The following MYSM1 variants were observed in gnomAD, a reference collection of about 807,000 sequenced individuals.
The protein encoded by MYSM1 is Myb like, SWIRM and MPN domains 1.
MYSM1 carries 51 observed loss-of-function variants against 116.0 expected under a neutral mutation model. The observed-to-expected ratio is 0.44, with a 90% CI of 0.35 to 0.56. MYSM1 has a LOEUF of 0.56. MYSM1 is among the 20% of genes least tolerant of loss of function. MYSM1 has a pLI of 0.00. For synonymous variants in MYSM1, 313 were observed against 315.2 expected (o/e 0.99, Z 0.07); for missense variants, 900 against 974.9 (o/e 0.92, Z 1.02).
At chr1:58,663,575 A>G (rs1644425713) in intron 17 of MYSM1, among the ~76,000 whole-genome samples, 1 of 152,254 alleles carries the variant, frequency 6.6e-6, no homozygotes, top group Non-Finnish European at 1.5e-5. Flanking sequence ...AGTGTTAAGC[A>G]TGGACAAGTC....
intron 17 of MYSM1, among the ~76,000 whole-genome samples, chr1:58,661,827 A>T (rs573559994): frequency 6.6e-6 from 1 of 152,206 alleles, no homozygotes; most frequent in African/African-American, 2.4e-5. Flanking sequence ...TGAATGAAAG[A>T]AGGTACTATT....
chr1:58,690,455 C>G, intron 3 of MYSM1, 38 bp from the exon 4 acceptor site: 1 of 1,380,922 alleles, frequency 7.2e-7, no homozygotes. Flanking sequence ...AACAATATTA[C>G]AGTCATGTAA....
intron 17 of MYSM1, 52 bp from the exon 18 acceptor site, chr1:58,661,563 A>G: frequency 9.9e-7 from 1 of 1,010,416 alleles, no homozygotes; most frequent in African/African-American, 1.6e-5. Context: ...TAACTCTCCA[A>G]TCTCCTTTTA....
chr1:58,660,139 C>T lies in MYSM1; in HGVS notation c.2345G>A (p.Arg782Lys). 7 of 1,584,604 alleles carry T rather than the reference C, an allele frequency of 4.4e-6. No homozygotes were observed. Among genetic ancestry groups the T allele is most frequent in the Non-Finnish European group, 6.0e-6 (7 of 1,168,728 alleles). Residue 782 changes from arginine (R) to lysine (K), a missense_variant, in exon 20 of 20, where the codon AGG becomes AAG. Physicochemically the swap from Arg to Lys is conservative, Grantham distance 26. Around this residue, in one of 3 missense-constraint regions of MYSM1, gnomAD observed 186 missense variants for 196.2 expected, o/e 0.95. Transcript: ENST00000472487. The stretch of plus-strand genomic sequence containing the variant: ...ATTGGTCACTTTGCTCAGAGTCTTC[C>T]TCATACACTCCAAAAGCTAGTTGAA... ...TCLQKLLECM[R>K]KTLSKVTNCF... is the part of the protein sequence containing the mutation.
intron 8 of MYSM1, among the ~76,000 whole-genome samples, chr1:58,678,812 G>C (rs1644694111): frequency 6.6e-6 from 1 of 152,138 alleles, no homozygotes; most frequent in South Asian, 2.1e-4. Flanking sequence ...AAATATGGGG[G>C]AAGAACATCC....
At position 58,677,016 on chromosome 1, in the gene MYSM1, G is replaced by A. The variant is rs780998329; in HGVS notation, c.1300C>T (p.Arg434Cys). Reference sequence around the variant, plus strand: ...TCTCCACAGTTCTTCAGGCCAGGACGTACTGAGGTCTTATTTAAGTATTTT... The same window carrying A: ...TCTCCACAGTTCTTCAGGCCAGGACATACTGAGGTCTTATTTAAGTATTTT... ...KPKYLNKTSVRPGLKNCGDVN... is the reference protein window; with the variant it reads ...KPKYLNKTSVCPGLKNCGDVN... Residue 434 changes from arginine to cysteine, a missense_variant, in exon 9 of 20, where the codon CGT (arginine) becomes TGT (cysteine). By Grantham distance (180) the Arg-to-Cys change is radical. Coordinates refer to ENST00000472487, the MANE Select transcript of MYSM1 (RefSeq NM_001085487.3). The A allele has an allele frequency of 1.2e-6, 2 of 1,608,640 alleles. No homozygotes were observed. The highest frequency in any genetic ancestry group is 1.7e-6 in the Non-Finnish European group (2 of 1,177,500).
chr1:58,693,536 C>G (rs1557526857), intron 2 of MYSM1, among the ~76,000 whole-genome samples: 1 of 152,206 alleles, frequency 6.6e-6, no homozygotes, highest in East Asian at 1.9e-4. Context: ...GGCACTATTA[C>G]TCACTAAGTT....
chr1:58,682,584 A>G, intron 7 of MYSM1, 39 bp from the exon 8 acceptor site: 1 of 1,485,976 alleles, frequency 6.7e-7, no homozygotes, highest in South Asian at 1.4e-5. Context: ...TAATATTAAG[A>G]TTTAAAAATT....
intron 2 of MYSM1, among the ~76,000 whole-genome samples, chr1:58,694,361 G>A (rs1167473110): frequency 3.3e-5 from 5 of 152,140 alleles, no homozygotes; most frequent in Non-Finnish European, 7.3e-5. Context: ...GGTGGCTCAC[G>A]CCTGTAATCC....
chr1:58,690,340 C>G lies in MYSM1; in HGVS notation c.296G>C (p.Ser99Thr). 1 of 1,596,954 alleles carries G rather than the reference C, an allele frequency of 6.3e-7. No individual in the cohort carries two copies. Among genetic ancestry groups the G allele is most frequent in the Non-Finnish European group, 8.5e-7 (1 of 1,172,826 alleles). The change falls in exon 4 of 20, where the codon AGT (serine) becomes ACT (threonine). Residue 99 changes from serine (S) to threonine (T), a missense_variant and splice_region_variant. This residue lies in a region of MYSM1 where 622 missense variants were observed against 623.7 expected (regional missense o/e 1.00). Coordinates refer to ENST00000472487, the MANE Select transcript of MYSM1 (RefSeq NM_001085487.3). ...QKEDDKKYMK[S>T]LQKTAKIMVH... ...TAGAAATATTATAAATTGATTTTAC[C>G]TCTTCATGTATTTTTTATCATCTTC...
At position 58,676,971 on chromosome 1, in the gene MYSM1, T is replaced by A. The variant is rs1182210069; in HGVS notation, c.1345A>T (p.Ile449Phe). The A allele has an allele frequency of 6.2e-7, 1 of 1,612,636 alleles. No individual in the cohort carries two copies. The highest frequency in any genetic ancestry group is 1.1e-5 in the South Asian group (1 of 90,940). ...NCGDVNCIGR[I>F]HTYLELIGAI... is the part of the protein sequence containing the mutation. ...CCTATCAATTCGAGGTATGTATGAA[T>A]CCGTCCAATACAATTAACATCTCCA... Residue 449 changes from isoleucine (I) to phenylalanine (F), a missense_variant, in exon 9 of 20, where the codon ATT becomes TTT. Ile to Phe is a conservative substitution (Grantham distance 21, BLOSUM62 0). Around this residue, in one of 3 missense-constraint regions of MYSM1, gnomAD observed 622 missense variants for 623.7 expected, o/e 1.00. Coordinates refer to ENST00000472487, the MANE Select transcript of MYSM1 (RefSeq NM_001085487.3).
chr1:58,684,564 CAAA>C (rs1228037580), intron 7 of MYSM1, among the ~76,000 whole-genome samples: 1 of 60,964 alleles, frequency 1.6e-5, no homozygotes. Flanking sequence ...GACTCTGTCT[CAAA>C]AAAAAAAAAA....
At chr1:58,695,023 C>A in intron 2 of MYSM1, 106 bp downstream of exon 2, 2 of 535,646 alleles carry the variant, frequency 3.7e-6, no homozygotes, top group East Asian at 3.2e-5. Flanking sequence ...AATATTATAT[C>A]TGTGATAGTT....
At chr1:58,661,369 C>T in intron 18 of MYSM1, 37 bp downstream of exon 18, 1 of 1,355,218 alleles carries the variant, frequency 7.4e-7, no homozygotes, top group Non-Finnish European at 1.1e-6. Context: ...ATGAGCAACA[C>T]TGCAGATGTG....
In MYSM1 at chr1:58,660,009, T is replaced by G. The variant is rs751503401; in HGVS notation, c.2475A>C (p.Glu825Asp). 6.4e-7 allele frequency: 1 copy of G among 1,561,570 alleles called. No individual in the cohort carries two copies. The highest frequency in any genetic ancestry group is 8.7e-7 in the Non-Finnish European group (1 of 1,154,254). ...AACTTTAAAATAATCACATTAACAA[T>G]TCCTTTGTACAGTTCTCTTCGGTTA... is the stretch of plus-strand genomic sequence containing the variant. ...NGVTEENCTK[E>D]LLM Residue 825 changes from glutamate (E) to aspartate (D), a missense_variant, in exon 20 of 20, where the codon GAA becomes GAC. By Grantham distance (45) the Glu-to-Asp change is conservative. Coordinates refer to ENST00000472487, the MANE Select transcript of MYSM1 (RefSeq NM_001085487.3).
At chr1:58,660,284 A>G in intron 19 of MYSM1, 129 bp from the exon 20 acceptor site, 1 of 523,848 alleles carries the variant, frequency 1.9e-6, no homozygotes, top group Non-Finnish European at 3.1e-6. Context: ...CTCCTTAAAA[A>G]TGGTTGAAGA....
intron 3 of MYSM1, among the ~76,000 whole-genome samples, chr1:58,690,817 T>C (rs1230141253): frequency 6.6e-6 from 1 of 151,930 alleles, no homozygotes; most frequent in East Asian, 1.9e-4. Flanking sequence ...CCAAAACATA[T>C]GGAGAATGTA....
At chr1:58,679,243 C>T (rs1335202594) in intron 8 of MYSM1, among the ~76,000 whole-genome samples, 1 of 152,100 alleles carries the variant, frequency 6.6e-6, no homozygotes, top group African/African-American at 2.4e-5. Context: ...AATGTGAGTT[C>T]CTGTTCAAAA....
intron 9 of MYSM1, among the ~76,000 whole-genome samples, chr1:58,676,080 C>G (rs1644646102): frequency 6.6e-6 from 1 of 152,126 alleles, no homozygotes. Flanking sequence ...GTTTTATGTA[C>G]CTTATCACTT....
Sources: gnomAD v4.1 joint callset for allele counts (sites outside exome capture counted in the v4.1 genomes callset) on GRCh38, gnomAD v4.1.1 for gene constraint, gnomAD v4.1.1 regional missense constraint, MANE v1.5 for transcripts, NCBI Gene and HGNC (gene_info 2026-07-23, HGNC 2026-07-21) for gene names.